The following SH3D19 variants were observed in gnomAD, a reference collection of about 807,000 sequenced individuals.
The protein encoded by SH3D19 is SH3 domain containing 19.
SH3D19 carries 58 observed loss-of-function variants against 112.1 expected under a neutral mutation model. That is an observed-to-expected ratio of 0.52 (90% CI 0.42 to 0.64). The LOEUF (loss-of-function observed/expected upper bound fraction) is 0.64, where lower values mean the gene tolerates loss of function less well. Among genes scored for constraint, SH3D19 ranks in the 30% least tolerant of loss-of-function variants. SH3D19 has a pLI of 0.00. For synonymous variants in SH3D19, 391 were observed against 448.5 expected, an observed-to-expected ratio of 0.87 and a Z score of 1.62; for missense variants, 1,090 against 1,263.4, an observed-to-expected ratio of 0.86 and a Z score of 2.08.
intron 1 of SH3D19, among the ~76,000 whole-genome samples, chr4:151,256,372 G>C (rs1473823949): frequency 6.6e-6 from 1 of 152,218 alleles, no homozygotes; most frequent in African/African-American, 2.4e-5. Flanking sequence ...AGCACAGCTG[G>C]AAGCAGAAGT....
rs557735000 is a variant in SH3D19 at position 151,200,937 on chromosome 4, G to A, written c.153-13474C>T. On this transcript the variant is annotated intron_variant, in intron 2 of 19. Transcript: ENST00000604030. Reference sequence around the variant, plus strand: ...CATATTGGAATTACGCTCAGAGAGCGAGTTGCTCACATTTATCAGCATACC... The same window carrying A: ...CATATTGGAATTACGCTCAGAGAGCAAGTTGCTCACATTTATCAGCATACC... Among the ~76,000 whole-genome samples the A allele has an allele frequency of 3.9e-5, 6 of 152,290 alleles. No homozygotes were observed. The South Asian group carries it at 1.2e-3, about 32-fold the overall frequency.
In SH3D19 at chr4:151,133,131, T is replaced by C. The variant is rs745779662; in HGVS notation, c.2592A>G (p.Glu864=). The C allele has an allele frequency of 2.5e-6, 4 of 1,614,190 alleles. No individual in the cohort carries two copies. The highest frequency in any genetic ancestry group is 2.5e-6 in the Non-Finnish European group (3 of 1,180,014). Residue 864 remains glutamate, a synonymous_variant, in exon 16 of 20, where the codon GAA becomes GAG. Coordinates refer to ENST00000604030, the MANE Select transcript of SH3D19 (RefSeq NM_001378122.1). ...IIILKEYVNE[E]WARGEVRGRT... ...TGCCTCGAACTTCTCCTCTGGCCCA[T>C]TCCTCATTCACATACTCTTTAAGAA...
chr4:151,282,139 T>TC, intron 1 of SH3D19: 1 of 1,612,412 alleles, frequency 6.2e-7, no homozygotes, highest in Non-Finnish European at 8.5e-7. Flanking sequence ...TCCTTTCTTT[T>TC]CCCCATAGGA....
At chr4:151,206,444 T>C (rs980637552) in intron 2 of SH3D19, among the ~76,000 whole-genome samples, 3 of 152,190 alleles carry the variant, frequency 2.0e-5, no homozygotes, top group African/African-American at 7.2e-5. Flanking sequence ...TCCCTCTTCA[T>C]ACAACATATT....
intron 1 of SH3D19, among the ~76,000 whole-genome samples, chr4:151,310,218 A>G (rs927639402): frequency 3.4e-4 from 43 of 125,402 alleles, no homozygotes; most frequent in Middle Eastern, 3.9e-3. Flanking sequence ...TACAAAAAAA[A>G]AAAAAAAAAA....
intron 2 of SH3D19, among the ~76,000 whole-genome samples, chr4:151,189,642 G>C (rs1169341112): frequency 1.3e-5 from 2 of 152,176 alleles, no homozygotes; most frequent in African/African-American, 2.4e-5. Context: ...CTATTCTCTT[G>C]TCTGCCGCCT....
intron 2 of SH3D19, among the ~76,000 whole-genome samples, chr4:151,197,978 G>A (rs1428111410): frequency 6.6e-6 from 1 of 152,042 alleles, no homozygotes; most frequent in Non-Finnish European, 1.5e-5. Flanking sequence ...TTGTGACACT[G>A]TAAGATTTTT....
At chr4:151,264,925 G>T (rs1772657317) in intron 1 of SH3D19, among the ~76,000 whole-genome samples, 2 of 152,030 alleles carry the variant, frequency 1.3e-5, no homozygotes, top group African/African-American at 4.8e-5. Context: ...GATGAATAAA[G>T]AATAAAAAAT....
At chr4:151,231,252 C>A (rs953863324) in intron 1 of SH3D19, among the ~76,000 whole-genome samples, 14 of 152,046 alleles carry the variant, frequency 9.2e-5, no homozygotes, top group African/African-American at 3.1e-4. Flanking sequence ...AACAAATAGA[C>A]CATGGATGGG....
intron 2 of SH3D19, among the ~76,000 whole-genome samples, chr4:151,212,468 G>A (rs1302845780): frequency 1.3e-5 from 2 of 152,132 alleles, no homozygotes; most frequent in African/African-American, 4.8e-5. Context: ...AACTCCTAGG[G>A]CCCTTAAGAA....
rs1241616350 is a variant in SH3D19 at position 151,195,113 on chromosome 4, A to G, written c.153-7650T>C. On this transcript the variant is annotated intron_variant, in intron 2 of 19. Coordinates refer to ENST00000604030, the MANE Select transcript of SH3D19 (RefSeq NM_001378122.1). ...AGGTTGGGCGCGGTGGCTCATGCCTATATTCCCAGTGCTTTGGGAGGCTGA... is the reference window on the plus strand; with the variant it reads ...AGGTTGGGCGCGGTGGCTCATGCCTGTATTCCCAGTGCTTTGGGAGGCTGA... Among the ~76,000 whole-genome samples the G allele has an allele frequency of 2.7e-5, 4 of 149,498 alleles. No homozygotes were observed. The South Asian group carries it at 6.4e-4, about 24-fold the overall frequency.
intron 1 of SH3D19, among the ~76,000 whole-genome samples, chr4:151,302,122 T>C (rs1049228858): frequency 1.3e-5 from 2 of 152,206 alleles, no homozygotes; most frequent in African/African-American, 4.8e-5. Context: ...AATGTCAGGT[T>C]AACCAAAGAA....
chr4:151,283,384 G>A, intron 1 of SH3D19: 2 of 1,039,910 alleles, frequency 1.9e-6, no homozygotes, highest in South Asian at 1.5e-5. Context: ...GGAGTCAGGA[G>A]ATGAGGGTTC....
intron 7 of SH3D19, among the ~76,000 whole-genome samples, chr4:151,166,743 G>A (rs1455325396): frequency 1.3e-5 from 2 of 152,106 alleles, no homozygotes; most frequent in African/African-American, 4.8e-5. Context: ...AATTCTGCCT[G>A]TTATGAGGTG....
At chr4:151,293,775 A>C (rs1042622492) in intron 1 of SH3D19, among the ~76,000 whole-genome samples, 7 of 152,206 alleles carry the variant, frequency 4.6e-5, no homozygotes, top group African/African-American at 1.4e-4. Context: ...GTGGCCTACA[A>C]AGTCCGGCCA....
At chr4:151,274,549 G>C (rs990265717) in intron 1 of SH3D19, among the ~76,000 whole-genome samples, 2 of 152,220 alleles carry the variant, frequency 1.3e-5, no homozygotes, top group African/African-American at 4.8e-5. Flanking sequence ...TAGTAGGACA[G>C]AAAGAAATGA....
intron 8 of SH3D19, among the ~76,000 whole-genome samples, chr4:151,163,222 T>C (rs1382316846): frequency 6.6e-6 from 1 of 152,196 alleles, no homozygotes; most frequent in African/African-American, 2.4e-5. Flanking sequence ...CCTTTTCTCT[T>C]TGCTGATTGT....
chr4:151,205,244 C>T (rs1012519506), intron 2 of SH3D19, among the ~76,000 whole-genome samples: 2 of 152,194 alleles, frequency 1.3e-5, no homozygotes, highest in Admixed American at 6.5e-5. Context: ...CTGGGAAACA[C>T]GGCGGCTTTT....
rs67090009 is a variant in SH3D19, at chr4:151,180,929, A to ATTTT, written c.194-1536_194-1533dup. On this transcript the variant is annotated intron_variant, in intron 3 of 19. Transcript: ENST00000604030. Reference sequence around the variant, plus strand: ...CAGGTGCCTGCCACCATGCCCGGCTATTTTTTTTTTTTTTTTTGTATTTTT... The same window carrying ATTTT: ...CAGGTGCCTGCCACCATGCCCGGCTATTTTTTTTTTTTTTTTTTTTTGTATTTTT... 9.8e-5 allele frequency among the ~76,000 whole-genome samples: 13 copies of ATTTT among 132,044 alleles called. 1 individual carries two copies. The highest frequency in any genetic ancestry group is 2.4e-4 in the South Asian group (1 of 4,134). 86.6% of individuals were successfully genotyped at this position (132,044 alleles called of 152,430 possible).
Sources: gnomAD v4.1 joint callset for allele counts (sites outside exome capture counted in the v4.1 genomes callset) on GRCh38, gnomAD v4.1.1 for gene constraint, MANE v1.5 for transcripts, NCBI Gene and HGNC (gene_info 2026-07-23, HGNC 2026-07-21) for gene names.